The following CATSPERT variants were observed in gnomAD, a reference collection of about 807,000 sequenced individuals.
CATSPERT encodes the protein catsper channel auxiliary subunit tau.
chr2:201,522,925 A>G, the CATSPERT span, among the ~76,000 whole-genome samples: 1 of 152,090 alleles, frequency 6.6e-6, no homozygotes, highest in Admixed American at 6.6e-5. Context: ...CAGCTTCCCT[A>G]CTTGGCCACT....
At chr2:201,572,036 G>A in the CATSPERT span, 1 of 1,585,590 alleles carries the variant, frequency 6.3e-7, no homozygotes, top group African/African-American at 1.3e-5. Flanking sequence ...AAAAATGTAA[G>A]TGTATTTTAG....
chr2:201,515,834 A>G, the CATSPERT span, among the ~76,000 whole-genome samples: 1 of 152,236 alleles, frequency 6.6e-6, no homozygotes, highest in African/African-American at 2.4e-5. Flanking sequence ...GGACTCCTCT[A>G]CATGTGGCAG....
the CATSPERT span, among the ~76,000 whole-genome samples, chr2:201,506,399 A>G: frequency 2.0e-5 from 3 of 152,252 alleles, no homozygotes; most frequent in African/African-American, 7.2e-5. Flanking sequence ...AATTCTGTGT[A>G]GTATAACCCA....
the CATSPERT span, among the ~76,000 whole-genome samples, chr2:201,519,084 C>T: frequency 2.0e-5 from 3 of 152,186 alleles, no homozygotes; most frequent in African/African-American, 4.8e-5. Flanking sequence ...AAGAGCCTCA[C>T]CTGGAAGGTT....
the CATSPERT span, among the ~76,000 whole-genome samples, chr2:201,531,317 G>T: frequency 6.6e-6 from 1 of 151,824 alleles, no homozygotes; most frequent in Non-Finnish European, 1.5e-5. Flanking sequence ...GCCTACCGTG[G>T]ACTCATCACT....
the CATSPERT span, among the ~76,000 whole-genome samples, chr2:201,560,054 G>C: frequency 7.2e-5 from 11 of 152,144 alleles, no homozygotes; most frequent in African/African-American, 2.4e-4. Flanking sequence ...TGATTTAAAT[G>C]ATAAATTCAA....
the CATSPERT span, among the ~76,000 whole-genome samples, chr2:201,583,473 T>C: frequency 6.6e-6 from 1 of 152,260 alleles, no homozygotes; most frequent in African/African-American, 2.4e-5. Flanking sequence ...CACTGAATCT[T>C]ATAAAAAATT....
the CATSPERT span, among the ~76,000 whole-genome samples, chr2:201,488,413 GGAGA>G: frequency 8.5e-5 from 13 of 152,136 alleles, no homozygotes; most frequent in South Asian, 2.1e-3. Context: ...ACATACAGAG[GGAGA>G]GAGTGTGTGC....
chr2:201,501,507 TA>T, the CATSPERT span, among the ~76,000 whole-genome samples: 1 of 148,444 alleles, frequency 6.7e-6, no homozygotes, highest in African/African-American at 2.5e-5. Context: ...AGCAGCAAAC[TA>T]AACCTAAAGT....
chr2:201,515,197 C>CAA, the CATSPERT span, among the ~76,000 whole-genome samples: 3 of 68,356 alleles, frequency 4.4e-5, no homozygotes, highest in Admixed American at 2.0e-4. Flanking sequence ...GTGAATCTGC[C>CAA]CATAGTTTTT....
At chr2:201,537,225 T>C in the CATSPERT span, among the ~76,000 whole-genome samples, 1 of 151,886 alleles carries the variant, frequency 6.6e-6, no homozygotes, top group Admixed American at 6.6e-5. Context: ...ACACATTTTG[T>C]CCCCTATCTT....
At chr2:201,492,158 T>C in the CATSPERT span, 2 of 1,525,090 alleles carry the variant, frequency 1.3e-6, no homozygotes, top group African/African-American at 1.4e-5. Context: ...GTTTGTAAAG[T>C]GGTTTGTTGA....
At chr2:201,596,257 G>A in the CATSPERT span, among the ~76,000 whole-genome samples, 557 of 152,248 alleles carry the variant, frequency 3.7e-3, 8 homozygotes, top group African/African-American at 0.013. Context: ...AAAAAAGATG[G>A]AGATCATATC....
chr2:201,602,749 G>A, the CATSPERT span, among the ~76,000 whole-genome samples: 3 of 152,142 alleles, frequency 2.0e-5, no homozygotes, highest in Non-Finnish European at 2.9e-5. Context: ...CCAATAAAAT[G>A]TAATGGAATG....
At chr2:201,594,247 T>G in the CATSPERT span, among the ~76,000 whole-genome samples, 4 of 152,230 alleles carry the variant, frequency 2.6e-5, no homozygotes, top group African/African-American at 2.4e-5. Flanking sequence ...AAGCTTAGTT[T>G]GGCTGGATAT....
chr2:201,587,452 T>G, the CATSPERT span, among the ~76,000 whole-genome samples: 1 of 152,140 alleles, frequency 6.6e-6, no homozygotes, highest in Non-Finnish European at 1.5e-5. Flanking sequence ...TCACTGAATA[T>G]AGAAATCTAG....
the CATSPERT span, among the ~76,000 whole-genome samples, chr2:201,516,171 A>G: frequency 2.0e-5 from 3 of 152,216 alleles, no homozygotes. Context: ...AATGGTAAAT[A>G]TTTGTGTATC....
At chr2:201,526,258 C>T in the CATSPERT span, among the ~76,000 whole-genome samples, 2 of 152,136 alleles carry the variant, frequency 1.3e-5, no homozygotes, top group African/African-American at 4.8e-5. Context: ...GTGGCTCACA[C>T]CTGTAATCCC....
At chr2:201,543,432 C>A in the CATSPERT span, among the ~76,000 whole-genome samples, 1 of 152,292 alleles carries the variant, frequency 6.6e-6, no homozygotes, top group South Asian at 2.1e-4. Context: ...CTGTAGATTG[C>A]TTTGGGTAGT....
Sources: gnomAD v4.1 joint callset for allele counts (sites outside exome capture counted in the v4.1 genomes callset) on GRCh38, gnomAD v4.1.1 for gene constraint, MANE v1.5 for transcripts, NCBI Gene and HGNC (gene_info 2026-07-23, HGNC 2026-07-21) for gene names.